PPP2R5E: variants seen among roughly 807,000 people sequenced by gnomAD.
PPP2R5E encodes the protein serine/threonine-protein phosphatase 2A 56 kDa regulatory subunit epsilon isoform.
PPP2R5E carries 4 observed loss-of-function variants against 65.3 expected under a neutral mutation model. The observed-to-expected ratio is 0.06, with a 90% CI of 0.03 to 0.14. The LOEUF (loss-of-function observed/expected upper bound fraction) is 0.14, where lower values mean the gene tolerates loss of function less well. Ranked by LOEUF, PPP2R5E falls within the 10% of genes least tolerant of loss-of-function variation. The pLI, the probability that PPP2R5E is intolerant of heterozygous loss-of-function variation, is 1.00. For missense variants in PPP2R5E, 274 were observed against 556.1 expected, an observed-to-expected ratio of 0.49 and a Z score of 5.10; for synonymous variants, 183 against 187.4, an observed-to-expected ratio of 0.98 and a Z score of 0.19.
chr14:63,504,659 G>T (rs985657975), intron 2 of PPP2R5E, among the ~76,000 whole-genome samples: 1 of 152,168 alleles, frequency 6.6e-6, no homozygotes, highest in African/African-American at 2.4e-5. Flanking sequence ...TTGGGGGAAT[G>T]AGATACAAAA....
intron 5 of PPP2R5E, among the ~76,000 whole-genome samples, chr14:63,400,435 C>G (rs1353458372): frequency 1.3e-5 from 2 of 152,186 alleles, no homozygotes; most frequent in Non-Finnish European, 2.9e-5. Context: ...GATATGAGTG[C>G]TCCTCACAGG....
intron 3 of PPP2R5E, among the ~76,000 whole-genome samples, chr14:63,449,415 T>C (rs781536010): frequency 6.6e-6 from 1 of 152,220 alleles, no homozygotes; most frequent in Non-Finnish European, 1.5e-5. Context: ...ACTTGCCACA[T>C]GTTAGAGACT....
chr14:63,454,084 G>A lies in PPP2R5E; in HGVS notation c.158-199C>T, dbSNP rs142208827. ...AGACCTTGTCTTTGAAAACTACATT[G>A]TACCAACAAAATTGACTGTATTTGC... On this transcript the variant is annotated intron_variant, in intron 2 of 13. Coordinates refer to ENST00000337537, the MANE Select transcript of PPP2R5E (RefSeq NM_006246.5). Among the ~76,000 whole-genome samples the A allele has an allele frequency of 3.2e-4, 48 of 152,234 alleles. 1 individual carries two copies. Among genetic ancestry groups the A allele is most frequent in the African/African-American group, 1.2e-3 (48 of 41,530 alleles).
chr14:63,532,962 C>T (rs1442390352), intron 2 of PPP2R5E, among the ~76,000 whole-genome samples: 1 of 152,078 alleles, frequency 6.6e-6, no homozygotes, highest in Non-Finnish European at 1.5e-5. Flanking sequence ...CTTCCAAGTA[C>T]CTAGGACTAC....
chr14:63,451,814 GT>G (rs1189667273), intron 3 of PPP2R5E: 4 of 152,136 alleles, frequency 2.6e-5, no homozygotes, highest in African/African-American at 9.7e-5. Flanking sequence ...GGCTGTGCTT[GT>G]GCAGGGACAG....
intron 2 of PPP2R5E, among the ~76,000 whole-genome samples, chr14:63,514,733 A>C (rs998440958): frequency 2.4e-4 from 36 of 152,190 alleles, no homozygotes; most frequent in African/African-American, 7.7e-4. Context: ...TGGACATGGA[A>C]TATTGACCAT....
chr14:63,392,602 T>G (rs545627680), intron 8 of PPP2R5E, among the ~76,000 whole-genome samples: 2 of 152,220 alleles, frequency 1.3e-5, no homozygotes, highest in African/African-American at 4.8e-5. Flanking sequence ...ATAATAATCA[T>G]GAAATATGAT....
intron 3 of PPP2R5E, among the ~76,000 whole-genome samples, chr14:63,450,843 A>C (rs569424726): frequency 1.3e-5 from 2 of 152,076 alleles, no homozygotes; most frequent in Non-Finnish European, 2.9e-5. Flanking sequence ...AGAGGAACTG[A>C]AGGAAGGAAA....
intron 3 of PPP2R5E, chr14:63,451,536 A>C (rs1003129716): frequency 2.0e-5 from 3 of 152,440 alleles, no homozygotes. Context: ...TAAAAAGATC[A>C]GTGGTTGCCA....
intron 3 of PPP2R5E, among the ~76,000 whole-genome samples, chr14:63,430,381 A>ACATG (rs1555359667): frequency 1.9e-4 from 25 of 133,038 alleles, no homozygotes; most frequent in African/African-American, 8.6e-4. Context: ...ATGCATGCAT[A>ACATG]CATACATACA....
At chr14:63,467,999 C>T (rs1209108502) in intron 2 of PPP2R5E, among the ~76,000 whole-genome samples, 3 of 152,196 alleles carry the variant, frequency 2.0e-5, no homozygotes, top group African/African-American at 7.2e-5. Flanking sequence ...GCACCTACCC[C>T]ACAGAGTTTA....
intron 2 of PPP2R5E, among the ~76,000 whole-genome samples, chr14:63,507,769 G>A (rs981285887): frequency 4.6e-5 from 7 of 151,798 alleles, no homozygotes; most frequent in African/African-American, 7.3e-5. Flanking sequence ...TAGTAGAGAC[G>A]GGGTTTCACC....
intron 4 of PPP2R5E, among the ~76,000 whole-genome samples, chr14:63,420,412 A>T (rs1164158137): frequency 6.6e-6 from 1 of 152,208 alleles, no homozygotes; most frequent in East Asian, 1.9e-4. Flanking sequence ...TAGTTTTACA[A>T]GTTTCTTAGA....
At chr14:63,540,079 C>A (rs1309977866) in intron 1 of PPP2R5E, among the ~76,000 whole-genome samples, 4 of 143,140 alleles carry the variant, frequency 2.8e-5, no homozygotes, top group Non-Finnish European at 4.6e-5. Flanking sequence ...GGGCCAGGAT[C>A]CCGCCATTGC....
intron 5 of PPP2R5E, among the ~76,000 whole-genome samples, chr14:63,401,213 C>T (rs572970204): frequency 6.6e-6 from 1 of 152,186 alleles, no homozygotes; most frequent in South Asian, 2.1e-4. Flanking sequence ...TATAATAGTG[C>T]ACAGGCCAAA....
intron 2 of PPP2R5E, among the ~76,000 whole-genome samples, chr14:63,469,329 T>C (rs1889996194): frequency 6.6e-6 from 1 of 152,174 alleles, no homozygotes; most frequent in Non-Finnish European, 1.5e-5. Context: ...TGAAAACAAA[T>C]GGATCTACTC....
chr14:63,399,542 C>G (rs1456098163), intron 5 of PPP2R5E, among the ~76,000 whole-genome samples: 1 of 151,762 alleles, frequency 6.6e-6, no homozygotes, highest in African/African-American at 2.4e-5. Context: ...TAAAAACATC[C>G]TGCAATGATA....
chr14:63,537,449 A>G (rs1451723268), intron 2 of PPP2R5E, among the ~76,000 whole-genome samples: 1 of 152,228 alleles, frequency 6.6e-6, no homozygotes, highest in East Asian at 1.9e-4. Context: ...CAAAATCTCT[A>G]GTCAAAATTT....
intron 5 of PPP2R5E, among the ~76,000 whole-genome samples, chr14:63,398,651 G>A (rs1364442792): frequency 4.6e-5 from 7 of 152,140 alleles, no homozygotes; most frequent in African/African-American, 1.2e-4. Context: ...TTAGCCAGGC[G>A]TGCTGGCACA....
Sources: allele counts gnomAD v4.1 joint callset (sites outside exome capture counted in the v4.1 genomes callset), GRCh38; gene constraint gnomAD v4.1.1; transcripts MANE v1.5; gene names NCBI Gene and HGNC (gene_info 2026-07-23, HGNC 2026-07-21).